DHRS7B: variants seen among roughly 807,000 people sequenced by gnomAD.
DHRS7B encodes the protein peroxisomal reductase activating PPAR-gamma.
Under a neutral mutation model 26.4 loss-of-function variants are expected in DHRS7B, and 24 were observed. That is an observed-to-expected ratio of 0.91 (90% CI 0.66 to 1.28). The LOEUF (loss-of-function observed/expected upper bound fraction) is 1.28. DHRS7B is among the 50% of genes most tolerant of loss of function. The pLI is 0.00. For missense variants in DHRS7B, 368 were observed against 419.4 expected, an observed-to-expected ratio of 0.88 and a Z score of 1.07; for synonymous variants, 142 against 166.4, an observed-to-expected ratio of 0.85 and a Z score of 1.13.
intron 1 of DHRS7B, among the ~76,000 whole-genome samples, chr17:21,143,512 G>GAAAA (rs1973573012): frequency 6.6e-6 from 1 of 152,194 alleles, no homozygotes; most frequent in Non-Finnish European, 1.5e-5. Context: ...GGCATATATA[G>GAAAA]TGTTTTCTAC....
intron 1 of DHRS7B, among the ~76,000 whole-genome samples, chr17:21,140,420 A>G (rs1444495386): frequency 6.7e-6 from 1 of 150,306 alleles, no homozygotes; most frequent in African/African-American, 2.4e-5. Context: ...AGCAAAGTTT[A>G]CATTATAAGG....
chr17:21,129,704 C>CAAA (rs61077377), intron 1 of DHRS7B, among the ~76,000 whole-genome samples: 15,452 of 74,408 alleles, frequency 0.21, 1,487 homozygotes, highest in East Asian at 0.29. Context: ...GACCCTGACT[C>CAAA]AAAAAAAAAA....
At chr17:21,167,300 GC>G (rs750300362) in intron 1 of DHRS7B, among the ~76,000 whole-genome samples, 2 of 152,160 alleles carry the variant, frequency 1.3e-5, no homozygotes, top group Admixed American at 6.5e-5. Flanking sequence ...AACTCTGGCT[GC>G]CCGGGCCCAA....
intron 5 of DHRS7B, among the ~76,000 whole-genome samples, chr17:21,188,071 C>T (rs1015902487): frequency 2.2e-4 from 33 of 152,092 alleles, no homozygotes; most frequent in Non-Finnish European, 4.4e-4. Flanking sequence ...AGGATGGTCT[C>T]GATCTCCTGA....
At chr17:21,149,934 T>G (rs889241542) in intron 1 of DHRS7B, among the ~76,000 whole-genome samples, 12 of 151,868 alleles carry the variant, frequency 7.9e-5, no homozygotes, top group Non-Finnish European at 1.5e-4. Flanking sequence ...CACTGAATGT[T>G]AATGAACTCA....
At chr17:21,163,432 A>G (rs894713769) in intron 1 of DHRS7B, among the ~76,000 whole-genome samples, 4 of 152,136 alleles carry the variant, frequency 2.6e-5, no homozygotes, top group African/African-American at 7.2e-5. Flanking sequence ...TTGTGTTTCT[A>G]TTCAGCTACA....
chr17:21,140,532 A>ACACC (rs1455273661), intron 1 of DHRS7B, among the ~76,000 whole-genome samples: 3 of 149,202 alleles, frequency 2.0e-5, no homozygotes, highest in African/African-American at 7.4e-5. Flanking sequence ...ACACACACAC[A>ACACC]CACACACCCT....
At chr17:21,144,223 G>C (rs938141141) in intron 1 of DHRS7B, among the ~76,000 whole-genome samples, 3 of 152,168 alleles carry the variant, frequency 2.0e-5, no homozygotes, top group African/African-American at 7.2e-5. Flanking sequence ...AGTGAATGAG[G>C]AACTGTTACC....
chr17:21,168,768 A>C, intron 1 of DHRS7B: 2 of 985,476 alleles, frequency 2.0e-6, no homozygotes, highest in Non-Finnish European at 2.4e-6. Flanking sequence ...GCCCGGGCCA[A>C]GGATGGATCC....
chr17:21,161,590 T>G (rs1243301049), intron 1 of DHRS7B, among the ~76,000 whole-genome samples: 3 of 152,182 alleles, frequency 2.0e-5, no homozygotes, highest in Admixed American at 2.0e-4. Context: ...AGACATTATC[T>G]TGAATCCCCA....
chr17:21,148,869 G>C (rs1057248948), intron 1 of DHRS7B, among the ~76,000 whole-genome samples: 1 of 152,170 alleles, frequency 6.6e-6, no homozygotes, highest in African/African-American at 2.4e-5. Context: ...TGGTGTTCAA[G>C]AGAGAGTTGA....
chr17:21,139,889 A>G (rs1973451373), intron 1 of DHRS7B, among the ~76,000 whole-genome samples: 1 of 151,876 alleles, frequency 6.6e-6, no homozygotes, highest in Non-Finnish European at 1.5e-5. Context: ...CCAATTACCT[A>G]GAGCTCTTTT....
intron 1 of DHRS7B, among the ~76,000 whole-genome samples, chr17:21,171,397 C>T (rs138011628): frequency 1.3e-4 from 20 of 152,336 alleles, no homozygotes; most frequent in Non-Finnish European, 2.2e-4. Context: ...GCAGCACGCT[C>T]ACCGGCCGGA....
intron 1 of DHRS7B, chr17:21,128,488 G>T (rs1973150726): frequency 6.6e-6 from 1 of 152,276 alleles, no homozygotes; most frequent in Admixed American, 6.6e-5. Flanking sequence ...ACGAGGTCAG[G>T]ACCTCGAGAC....
chr17:21,155,425 C>G (rs1973858914), intron 1 of DHRS7B, among the ~76,000 whole-genome samples: 1 of 152,132 alleles, frequency 6.6e-6, no homozygotes, highest in South Asian at 2.1e-4. Context: ...GATCAATCCT[C>G]CAATAAGACA....
chr17:21,144,821 AAATAAT>A lies in DHRS7B; in HGVS notation c.20+17844_20+17849del, dbSNP rs758267173. On this transcript the variant is annotated intron_variant, in intron 1 of 6. Transcript: ENST00000395511. Reference sequence around the variant, plus strand: ...TGACAGAGTGAGACTCTATCTCAAAAAATAATAATAATAATAATATTTTCCAATAAA... The same window carrying A: ...TGACAGAGTGAGACTCTATCTCAAAAAATAATAATAATATTTTCCAATAAA... Among the ~76,000 whole-genome samples the A allele has an allele frequency of 4.1e-4, 62 of 152,022 alleles. 1 individual carries two copies. The highest frequency in any genetic ancestry group is 1.4e-3 in the African/African-American group (60 of 41,462).
intron 1 of DHRS7B, chr17:21,168,789 G>C (rs572381882): frequency 1.0e-6 from 1 of 985,468 alleles, no homozygotes; most frequent in Admixed American, 6.1e-5. Context: ...CATTCACCCG[G>C]CGCCATGTTT....
chr17:21,173,832 T>G (rs1157790935), intron 2 of DHRS7B, among the ~76,000 whole-genome samples: 1 of 152,150 alleles, frequency 6.6e-6, no homozygotes, highest in Admixed American at 6.5e-5. Flanking sequence ...TGAAAGTCCT[T>G]GAAGAGCATT....
In DHRS7B at chr17:21,188,843, C is replaced by T. The variant is rs145432891; in HGVS notation, c.752C>T (p.Ala251Val). Residue 251 changes from alanine (A) to valine (V), a missense_variant, in exon 6 of 7, where the codon GCG becomes GTG. Ala to Val is a moderately conservative substitution (Grantham distance 64, BLOSUM62 0). Coordinates refer to ENST00000395511, the MANE Select transcript of DHRS7B (RefSeq NM_015510.5). ...AACCTCTCTGTAAATGCCATCACCG[C>T]GGATGGATCTAGGTATGGAGGTGAG... ...HTNLSVNAIT[A>V]DGSRYGVMDT... 144 of 1,614,152 alleles carry T rather than the reference C, an allele frequency of 8.9e-5. No individual in the cohort carries two copies. In the African/African-American group the frequency reaches 1.6e-3, roughly 18 times the overall value.
Sources: allele counts gnomAD v4.1 joint callset (sites outside exome capture counted in the v4.1 genomes callset), GRCh38; gene constraint gnomAD v4.1.1; transcripts MANE v1.5; gene names NCBI Gene and HGNC (gene_info 2026-07-23, HGNC 2026-07-21).